Variants in SORCS2 observed in about 807,000 individuals in gnomAD.
SORCS2 encodes sortilin related VPS10 domain containing receptor 2.
SORCS2 carries 100 observed loss-of-function variants against 141.6 expected under a neutral mutation model. The ratio of observed to expected loss-of-function variants is 0.71; its 90% CI spans 0.60 to 0.83. SORCS2 has a LOEUF of 0.83. SORCS2 is among the 40% of genes least tolerant of loss of function. SORCS2 has a pLI of 0.00. For missense variants in SORCS2, 1,646 were observed against 1,560.2 expected (o/e 1.05, Z -0.93); for synonymous variants, 789 against 676.9 (o/e 1.17, Z -2.57).
At chr4:7,645,013 G>A (rs1415224600) in intron 4 of SORCS2, among the ~76,000 whole-genome samples, 2 of 152,206 alleles carry the variant, frequency 1.3e-5, no homozygotes, top group Non-Finnish European at 2.9e-5. Context: ...AGTTGGAAAG[G>A]CTTCATAAAG....
chr4:7,360,687 A>G (rs1721530857), intron 1 of SORCS2, among the ~76,000 whole-genome samples: 1 of 144,338 alleles, frequency 6.9e-6, no homozygotes, highest in Non-Finnish European at 1.5e-5. Flanking sequence ...CAAGCGATCG[A>G]TCCTTCCACC....
At chr4:7,620,167 A>G (rs1472061730) in intron 3 of SORCS2, among the ~76,000 whole-genome samples, 2 of 152,166 alleles carry the variant, frequency 1.3e-5, no homozygotes, top group African/African-American at 4.8e-5. Context: ...CTTTTGGAGC[A>G]GAATGATACG....
At chr4:7,580,839 G>A (rs900184851) in intron 3 of SORCS2, among the ~76,000 whole-genome samples, 1 of 152,084 alleles carries the variant, frequency 6.6e-6, no homozygotes, top group Non-Finnish European at 1.5e-5. Flanking sequence ...AGTTTTAGGG[G>A]GTGAAAATCA....
At chr4:7,704,155 G>T in intron 13 of SORCS2, 22 bp from the exon 14 acceptor site, 1 of 1,603,006 alleles carries the variant, frequency 6.2e-7, no homozygotes, top group East Asian at 2.2e-5. Context: ...CCCCAGAGAT[G>T]CTGACGATCT....
At chr4:7,595,395 G>A (rs1717201821) in intron 3 of SORCS2, among the ~76,000 whole-genome samples, 1 of 152,086 alleles carries the variant, frequency 6.6e-6, no homozygotes, top group Admixed American at 6.5e-5. Flanking sequence ...CTGGCCATTG[G>A]TGACTAACTC....
intron 1 of SORCS2, among the ~76,000 whole-genome samples, chr4:7,395,126 A>T (rs1460829275): frequency 1.3e-5 from 2 of 152,186 alleles, no homozygotes; most frequent in Non-Finnish European, 2.9e-5. Flanking sequence ...TTTTTAAATC[A>T]TCGCCGCCTG....
rs753375857 is a variant in SORCS2 at position 7,302,767 on chromosome 4, A to ATGTGTGTGTGTGTGTGTG, written c.481-93520_481-93519insGTGTGTGTGTGTGTGTGT. Reference sequence around the variant, plus strand: ...GTCCGGCATCTAGTAGACAGTCCACATATGTGTGTGTGTGTGTGTGTGCGC... The same window carrying ATGTGTGTGTGTGTGTGTG: ...GTCCGGCATCTAGTAGACAGTCCACATGTGTGTGTGTGTGTGTGTATGTGTGTGTGTGTGTGTGTGCGC... On this transcript the variant is annotated intron_variant, in intron 1 of 26. Transcript: ENST00000507866. 6.4e-3 allele frequency among the ~76,000 whole-genome samples: 650 copies of ATGTGTGTGTGTGTGTGTG among 101,648 alleles called. 3 individuals carry two copies. Among genetic ancestry groups the ATGTGTGTGTGTGTGTGTG allele is most frequent in the Non-Finnish European group, 8.7e-3 (366 of 42,112 alleles). 66.7% of individuals were successfully genotyped at this position (101,648 alleles called of 152,430 possible). A position where few individuals can be genotyped will look rare whatever the true frequency, so the allele number is the denominator to read the frequency against.
intron 1 of SORCS2, among the ~76,000 whole-genome samples, chr4:7,345,124 C>T (rs957446535): frequency 5.9e-5 from 9 of 152,136 alleles, no homozygotes; most frequent in African/African-American, 1.9e-4. Context: ...AAATGTCACT[C>T]GTACTATGCT....
intron 2 of SORCS2, among the ~76,000 whole-genome samples, chr4:7,410,918 C>A (rs1725258105): frequency 6.6e-6 from 1 of 150,658 alleles, no homozygotes; most frequent in Non-Finnish European, 1.5e-5. Flanking sequence ...GCATTCCTAG[C>A]CCCTGGGCCC....
chr4:7,282,899 G>C (rs1229074956), intron 1 of SORCS2, among the ~76,000 whole-genome samples: 3 of 152,192 alleles, frequency 2.0e-5, no homozygotes, highest in Non-Finnish European at 4.4e-5. Context: ...GGGGGGTTCA[G>C]CATCTGGGGA....
At chr4:7,482,877 T>C (rs1218679562) in intron 2 of SORCS2, among the ~76,000 whole-genome samples, 1 of 152,126 alleles carries the variant, frequency 6.6e-6, no homozygotes, top group African/African-American at 2.4e-5. Flanking sequence ...CTGGCTGCTG[T>C]GGTGGGCTGG....
intron 1 of SORCS2, among the ~76,000 whole-genome samples, chr4:7,314,341 A>AT (rs58199252): frequency 1.1e-4 from 11 of 98,622 alleles, no homozygotes; most frequent in Non-Finnish European, 2.2e-4. Flanking sequence ...TATTTTTTTT[A>AT]TTTTTTTTTA....
chr4:7,720,376 G>A (rs1726506971), intron 18 of SORCS2, among the ~76,000 whole-genome samples: 1 of 152,060 alleles, frequency 6.6e-6, no homozygotes, highest in Admixed American at 6.5e-5. Context: ...GCTCAAAATT[G>A]CCTAGATTTA....
chr4:7,247,976 A>G (rs555003810), intron 1 of SORCS2, among the ~76,000 whole-genome samples: 1 of 152,354 alleles, frequency 6.6e-6, no homozygotes, highest in South Asian at 2.1e-4. Context: ...TGACAGGAAG[A>G]GTCCCTCTGG....
chr4:7,628,262 C>T (rs1719643113), intron 3 of SORCS2, among the ~76,000 whole-genome samples: 3 of 152,284 alleles, frequency 2.0e-5, no homozygotes, highest in Admixed American at 1.3e-4. Context: ...GTGGCTCATG[C>T]CTGTAATCCC....
intron 3 of SORCS2, among the ~76,000 whole-genome samples, chr4:7,585,865 G>A (rs2108766396): frequency 6.6e-6 from 1 of 152,330 alleles, no homozygotes; most frequent in East Asian, 1.9e-4. Flanking sequence ...AGATTTCTGA[G>A]TCATCTCTCT....
At chr4:7,576,361 A>G (rs883506) in intron 3 of SORCS2, among the ~76,000 whole-genome samples, 139,718 of 152,278 alleles carry the variant, frequency 0.92, 64,285 homozygotes, top group Non-Finnish European at 0.95. Flanking sequence ...TTAGAAGACC[A>G]TTTTCAAAAA....
intron 17 of SORCS2, among the ~76,000 whole-genome samples, chr4:7,717,581 C>T (rs961050817): frequency 2.0e-5 from 3 of 152,188 alleles, no homozygotes; most frequent in African/African-American, 4.8e-5. Context: ...CCCATGGTTA[C>T]GGCCACACTG....
chr4:7,698,313 C>A (rs1357843029), intron 12 of SORCS2, among the ~76,000 whole-genome samples: 1 of 152,236 alleles, frequency 6.6e-6, no homozygotes, highest in Non-Finnish European at 1.5e-5. Context: ...AGCCACGGCC[C>A]CCCTCCCACA....
Sources: gnomAD v4.1 joint callset for allele counts (sites outside exome capture counted in the v4.1 genomes callset) on GRCh38, gnomAD v4.1.1 for gene constraint, MANE v1.5 for transcripts, NCBI Gene and HGNC (gene_info 2026-07-23, HGNC 2026-07-21) for gene names.